The following NYAP2 variants were observed in gnomAD, a reference collection of about 807,000 sequenced individuals.
NYAP2 encodes the protein neuronal tyrosine-phosphorylated phosphoinositide-3-kinase adaptor 2, also known as neuronal tyrosine-phosphorylated phosphoinositide-3-kinase adapter 2.
In NYAP2, 23 loss-of-function variants were observed where a neutral mutation model predicts 50.4. The ratio of observed to expected loss-of-function variants is 0.46; its 90% CI spans 0.33 to 0.65. NYAP2 has a LOEUF of 0.65. Ranked by LOEUF, NYAP2 falls within the 30% of genes least tolerant of loss-of-function variation. The pLI is 0.02. For missense variants in NYAP2, 885 were observed against 861.0 expected (o/e 1.03, Z -0.35); for synonymous variants, 394 against 365.2 (o/e 1.08, Z -0.90).
chr2:225,669,037 T>C, the NYAP2 span, among the ~76,000 whole-genome samples: 3 of 137,762 alleles, frequency 2.2e-5, no homozygotes, highest in South Asian at 2.2e-4. Flanking sequence ...ACAGACGTAA[T>C]AGAGGATGAT....
intron 5 of NYAP2, among the ~76,000 whole-genome samples, chr2:225,589,458 T>C (rs1167703593): frequency 6.8e-6 from 1 of 146,452 alleles, no homozygotes; most frequent in African/African-American, 2.5e-5. Flanking sequence ...TTGCTTGAGG[T>C]CAGGATATCA....
At chr2:225,637,268 C>T (rs1361460517) in intron 6 of NYAP2, among the ~76,000 whole-genome samples, 1 of 152,056 alleles carries the variant, frequency 6.6e-6, no homozygotes, top group African/African-American at 2.4e-5. Context: ...TATGAGTTCT[C>T]CGTTATATTC....
intron 3 of NYAP2, among the ~76,000 whole-genome samples, chr2:225,448,443 C>A (rs923027772): frequency 6.6e-5 from 10 of 152,158 alleles, no homozygotes; most frequent in African/African-American, 2.4e-4. Context: ...AGCTACCTCT[C>A]TTTTAATGAA....
chr2:225,441,237 C>G (rs1247320853), intron 3 of NYAP2, among the ~76,000 whole-genome samples: 1 of 152,152 alleles, frequency 6.6e-6, no homozygotes, highest in Non-Finnish European at 1.5e-5. Context: ...ATTTCCAAAA[C>G]TTGCATGTAT....
the NYAP2 span, among the ~76,000 whole-genome samples, chr2:225,669,596 C>A: frequency 2.0e-5 from 3 of 151,844 alleles, no homozygotes; most frequent in South Asian, 4.2e-4. Context: ...TAATGTCAAC[C>A]CTATGAAAAC....
intron 4 of NYAP2, among the ~76,000 whole-genome samples, chr2:225,546,389 C>A (rs1691585412): frequency 1.3e-5 from 2 of 152,052 alleles, no homozygotes; most frequent in Admixed American, 6.5e-5. Flanking sequence ...AGCTGGCACT[C>A]AAACCATGAG....
At chr2:225,543,772 G>T (rs1485225885) in intron 4 of NYAP2, among the ~76,000 whole-genome samples, 1 of 151,976 alleles carries the variant, frequency 6.6e-6, no homozygotes, top group Non-Finnish European at 1.5e-5. Context: ...TATCTATGAG[G>T]TCTATTTGTT....
At chr2:225,681,480 A>T in the NYAP2 span, among the ~76,000 whole-genome samples, 1 of 152,192 alleles carries the variant, frequency 6.6e-6, no homozygotes, top group African/African-American at 2.4e-5. Context: ...GGGTTATTAC[A>T]TTCAGAGAGA....
chr2:225,668,190 A>T, the NYAP2 span, among the ~76,000 whole-genome samples: 2 of 152,212 alleles, frequency 1.3e-5, no homozygotes, highest in Admixed American at 1.3e-4. Flanking sequence ...TGACATTTTC[A>T]GAGTCCAGAA....
chr2:225,566,586 A>G (rs1574681887), intron 4 of NYAP2, among the ~76,000 whole-genome samples: 1 of 152,238 alleles, frequency 6.6e-6, no homozygotes, highest in African/African-American at 2.4e-5. Flanking sequence ...TGCATTTTCC[A>G]TGGACACTTT....
chr2:225,438,116 T>C (rs982043777), intron 3 of NYAP2, among the ~76,000 whole-genome samples: 32 of 152,212 alleles, frequency 2.1e-4, no homozygotes, highest in African/African-American at 6.8e-4. Context: ...ATGTTCCTAA[T>C]AGCAAGTTTC....
rs538970253 is a variant in NYAP2, at chr2:225,575,494, G to T, written c.524-6447G>T. Reference sequence around the variant, plus strand: ...CCAAAATGTCTGCTATCTCATCTAAGGTAGCTCAGGCAGATGTGGGGGCCA... The same window carrying T: ...CCAAAATGTCTGCTATCTCATCTAATGTAGCTCAGGCAGATGTGGGGGCCA... On this transcript the variant is annotated intron_variant, in intron 4 of 6. Coordinates refer to ENST00000636099, the Ensembl canonical transcript of NYAP2. Among the ~76,000 whole-genome samples, 18 of 152,328 alleles carry T rather than the reference G, an allele frequency of 1.2e-4. No individual in the cohort carries two copies. In the Middle Eastern group the frequency reaches 0.01, roughly 86 times the overall value.
intron 3 of NYAP2, among the ~76,000 whole-genome samples, chr2:225,449,601 C>CTTTTT (rs201552006): frequency 3.4e-4 from 33 of 96,312 alleles, no homozygotes; most frequent in Non-Finnish European, 4.7e-4. Flanking sequence ...CTCTCTTTCT[C>CTTTTT]TTTTTTTTTT....
intron 5 of NYAP2, among the ~76,000 whole-genome samples, chr2:225,608,282 T>C (rs192340433): frequency 3.2e-4 from 49 of 152,272 alleles, no homozygotes; most frequent in South Asian, 6.2e-4. Context: ...GGCATTCTGA[T>C]GTTGAGATGG....
intron 3 of NYAP2, among the ~76,000 whole-genome samples, chr2:225,491,757 T>C (rs2106171354): frequency 6.6e-6 from 1 of 152,314 alleles, no homozygotes; most frequent in Admixed American, 6.5e-5. Context: ...CATTTCCAGA[T>C]TGGATATGAT....
intron 4 of NYAP2, among the ~76,000 whole-genome samples, chr2:225,568,026 T>C (rs765885482): frequency 6.6e-6 from 1 of 152,180 alleles, no homozygotes; most frequent in East Asian, 1.9e-4. Flanking sequence ...ATTCCCTATA[T>C]TGCTAGTGAT....
intron 6 of NYAP2, among the ~76,000 whole-genome samples, chr2:225,648,862 A>G (rs143953805): frequency 3.9e-5 from 6 of 152,304 alleles, no homozygotes; most frequent in South Asian, 2.1e-4. Flanking sequence ...GGAAAACATT[A>G]TCTTTGAAAC....
chr2:225,410,417 T>C (rs1234327191), intron 3 of NYAP2, among the ~76,000 whole-genome samples: 2 of 152,030 alleles, frequency 1.3e-5, no homozygotes, highest in East Asian at 1.9e-4. Context: ...ATAAATGCCT[T>C]CTTAGGACAT....
intron 4 of NYAP2, among the ~76,000 whole-genome samples, chr2:225,573,675 G>A (rs1692116401): frequency 6.6e-6 from 1 of 152,160 alleles, no homozygotes; most frequent in African/African-American, 2.4e-5. Context: ...GGATGGGTTG[G>A]AACGTTGAAG....
Sources: allele counts gnomAD v4.1 joint callset (sites outside exome capture counted in the v4.1 genomes callset), GRCh38; gene constraint gnomAD v4.1.1; transcripts MANE v1.5; gene names NCBI Gene and HGNC (gene_info 2026-07-23, HGNC 2026-07-21).